Variants in BNC2 observed in about 807,000 individuals in gnomAD.
The protein encoded by BNC2 is basonuclin zinc finger protein 2.
BNC2 carries 20 observed loss-of-function variants against 76.3 expected under a neutral mutation model. The ratio of observed to expected loss-of-function variants is 0.26; its 90% CI spans 0.18 to 0.38. The LOEUF (loss-of-function observed/expected upper bound fraction) is 0.38. BNC2 is among the 10% of genes least tolerant of loss of function. The pLI is 1.00. For synonymous variants in BNC2, 582 were observed against 514.8 expected, an observed-to-expected ratio of 1.13 and a Z score of -1.77; for missense variants, 1,382 against 1,399.8, an observed-to-expected ratio of 0.99 and a Z score of 0.20.
At chr9:16,434,713 T>C (rs1350894564) in intron 6 of BNC2, 4 of 398,670 alleles carry the variant, frequency 1.0e-5, no homozygotes, top group African/African-American at 4.2e-5. Flanking sequence ...CATCTGCTTC[T>C]GCTTAAGCCC....
At chr9:16,804,734 T>C (rs970052937) in intron 1 of BNC2, among the ~76,000 whole-genome samples, 1 of 152,148 alleles carries the variant, frequency 6.6e-6, no homozygotes, top group Non-Finnish European at 1.5e-5. Context: ...AAAATGTATT[T>C]TCACTGCTTG....
chr9:16,469,001 A>G (rs994567933), intron 5 of BNC2, among the ~76,000 whole-genome samples: 1 of 152,256 alleles, frequency 6.6e-6, no homozygotes, highest in Non-Finnish European at 1.5e-5. Flanking sequence ...GAATATATCT[A>G]GTTAAAATCT....
chr9:16,742,726 T>C (rs923309435), intron 1 of BNC2, among the ~76,000 whole-genome samples: 2 of 152,162 alleles, frequency 1.3e-5, no homozygotes, highest in African/African-American at 2.4e-5. Flanking sequence ...CTAAATACTT[T>C]ATAAACAGGT....
At chr9:16,652,429 G>A (rs1821818793) in intron 3 of BNC2, among the ~76,000 whole-genome samples, 1 of 152,136 alleles carries the variant, frequency 6.6e-6, no homozygotes, top group Admixed American at 6.5e-5. Flanking sequence ...AAATGGAGAT[G>A]TAGAAAATAA....
intron 5 of BNC2, among the ~76,000 whole-genome samples, chr9:16,518,372 T>C (rs1817501694): frequency 1.3e-5 from 2 of 152,060 alleles, no homozygotes; most frequent in South Asian, 4.1e-4. Flanking sequence ...AGGTCAAGGC[T>C]GTACTGAGTA....
intron 2 of BNC2, among the ~76,000 whole-genome samples, chr9:16,729,842 G>A (rs1367751941): frequency 6.6e-6 from 1 of 152,078 alleles, no homozygotes; most frequent in East Asian, 1.9e-4. Context: ...TGCCTGCTCA[G>A]CTCCTGACCT....
intron 4 of BNC2, among the ~76,000 whole-genome samples, chr9:16,568,715 C>G (rs1819234125): frequency 6.6e-6 from 1 of 152,114 alleles, no homozygotes. Context: ...AAAGCCTTAA[C>G]ACTTGGGGAG....
chr9:16,438,232 A>G (rs1039609882), intron 5 of BNC2, among the ~76,000 whole-genome samples: 2 of 152,176 alleles, frequency 1.3e-5, no homozygotes, highest in Non-Finnish European at 2.9e-5. Context: ...TTGTAATCCT[A>G]TGATTCAAAG....
chr9:16,857,615 T>C (rs1819294430), intron 1 of BNC2, among the ~76,000 whole-genome samples: 1 of 152,150 alleles, frequency 6.6e-6, no homozygotes, highest in Non-Finnish European at 1.5e-5. Flanking sequence ...AATTACTCTT[T>C]ATGTACGTAA....
chr9:16,786,430 A>G (rs1460150293), intron 1 of BNC2, among the ~76,000 whole-genome samples: 1 of 152,090 alleles, frequency 6.6e-6, no homozygotes, highest in Non-Finnish European at 1.5e-5. Context: ...GTACAGAAGA[A>G]ACGGAGGGAA....
chr9:16,535,514 T>C (rs1011786215), intron 5 of BNC2, among the ~76,000 whole-genome samples: 1 of 152,078 alleles, frequency 6.6e-6, no homozygotes, highest in South Asian at 2.1e-4. Context: ...AGTCAGCAAG[T>C]AGTTGTATCT....
chr9:16,509,496 T>G (rs967651659), intron 5 of BNC2, among the ~76,000 whole-genome samples: 14 of 152,154 alleles, frequency 9.2e-5, no homozygotes, highest in African/African-American at 3.4e-4. Context: ...CCATACCACG[T>G]CACAAGGTTT....
intron 3 of BNC2, among the ~76,000 whole-genome samples, chr9:16,702,228 A>G (rs998629948): frequency 2.6e-5 from 4 of 152,176 alleles, no homozygotes; most frequent in Non-Finnish European, 2.9e-5. Context: ...TTCCATGATT[A>G]TAAGTAGATT....
rs537062550 is a variant in BNC2, at chr9:16,673,017, T to C, written c.330+54780A>G. On this transcript the variant is annotated intron_variant, in intron 3 of 6. Coordinates refer to ENST00000380672, the MANE Select transcript of BNC2 (RefSeq NM_017637.6). ...TGACGCTGACAATTTTCCTACGAGC[T>C]GGAATCCCTGTTTAGTTTTGGGGGG... Among the ~76,000 whole-genome samples the C allele has an allele frequency of 2.8e-4, 43 of 152,298 alleles. No homozygotes were observed. The South Asian group carries it at 7.3e-3, about 26-fold the overall frequency.
chr9:16,712,990 A>T (rs1237896618), intron 3 of BNC2, among the ~76,000 whole-genome samples: 1 of 152,194 alleles, frequency 6.6e-6, no homozygotes, highest in Non-Finnish European at 1.5e-5. Flanking sequence ...GGCGTTTCAC[A>T]TTCAGGAAAT....
Position 16,458,800 on chromosome 9 carries a change from A to G in BNC2, c.670-21276T>C, listed in dbSNP as rs531158729. On this transcript the variant is annotated intron_variant, in intron 5 of 6. Transcript: ENST00000380672. ...ACTATGTGCCGGGCACCAAGGGAACAAGCACTTCATATGCATTTACCTCAC... is the reference window on the plus strand; with the variant it reads ...ACTATGTGCCGGGCACCAAGGGAACGAGCACTTCATATGCATTTACCTCAC... 2.6e-4 allele frequency among the ~76,000 whole-genome samples: 39 copies of G among 152,348 alleles called. No homozygotes were observed. The South Asian group carries it at 6.4e-3, about 25-fold the overall frequency.
chr9:16,554,393 A>G (rs1167419903), intron 4 of BNC2, among the ~76,000 whole-genome samples: 1 of 152,166 alleles, frequency 6.6e-6, no homozygotes, highest in Admixed American at 6.5e-5. Flanking sequence ...AAAGGCCCTT[A>G]TCATTTACCC....
intron 5 of BNC2, among the ~76,000 whole-genome samples, chr9:16,454,863 C>A (rs1043121387): frequency 6.6e-6 from 1 of 152,140 alleles, no homozygotes; most frequent in African/African-American, 2.4e-5. Flanking sequence ...AAATATTCAT[C>A]TTTCTGAAAA....
intron 1 of BNC2, among the ~76,000 whole-genome samples, chr9:16,870,182 G>A (rs1819644129): frequency 1.4e-5 from 2 of 145,402 alleles, no homozygotes; most frequent in African/African-American, 2.6e-5. Context: ...CCCAGCCGCC[G>A]GTCCCTCACT....
Sources: gnomAD v4.1 joint callset for allele counts (sites outside exome capture counted in the v4.1 genomes callset) on GRCh38, gnomAD v4.1.1 for gene constraint, MANE v1.5 for transcripts, NCBI Gene and HGNC (gene_info 2026-07-23, HGNC 2026-07-21) for gene names.